The following PLEKHA6 variants were observed in gnomAD, a reference collection of about 807,000 sequenced individuals.
PLEKHA6 encodes the protein pleckstrin homology domain containing A6.
PLEKHA6 carries 60 observed loss-of-function variants against 116.7 expected under a neutral mutation model. That is an observed-to-expected ratio of 0.51 (90% CI 0.42 to 0.64). The LOEUF is 0.64. Ranked by LOEUF, PLEKHA6 falls within the 30% of genes least tolerant of loss-of-function variation. The pLI is 0.00. For synonymous variants in PLEKHA6, 489 were observed against 556.1 expected, an observed-to-expected ratio of 0.88 and a Z score of 1.70; for missense variants, 1,338 against 1,422.7, an observed-to-expected ratio of 0.94 and a Z score of 0.96.
At chr1:204,301,083 C>T (rs1050286677) in intron 1 of PLEKHA6, 4 of 181,182 alleles carry the variant, frequency 2.2e-5, no homozygotes, top group Non-Finnish European at 4.2e-5. Context: ...TATGGAGCTG[C>T]TCCAGATCCT....
chr1:204,329,720 G>C lies in PLEKHA6; in HGVS notation c.-95+29974C>G, dbSNP rs553839082. On this transcript the variant is annotated intron_variant, in intron 1 of 22. Coordinates refer to ENST00000272203, the MANE Select transcript of PLEKHA6 (RefSeq NM_014935.5). ...ATAACATGTTAAATGACACGATGAG[G>C]ATGCAATCAGCCAAATCCAGAACGT... Among the ~76,000 whole-genome samples the C allele has an allele frequency of 3.3e-5, 5 of 152,228 alleles. No individual in the cohort carries two copies. The South Asian group carries it at 1.0e-3, about 32-fold the overall frequency.
intron 3 of PLEKHA6, among the ~76,000 whole-genome samples, chr1:204,272,753 C>T (rs1434391810): frequency 1.3e-5 from 2 of 152,202 alleles, no homozygotes; most frequent in Admixed American, 6.5e-5. Flanking sequence ...CATGTCTGTA[C>T]ATTTACATAA....
At chr1:204,236,269 G>A (rs757151519) in intron 17 of PLEKHA6, among the ~76,000 whole-genome samples, 1 of 152,150 alleles carries the variant, frequency 6.6e-6, no homozygotes, top group African/African-American at 2.4e-5. Flanking sequence ...GCTGAAATAT[G>A]GATAAAAGAT....
At chr1:204,361,090 G>A (rs1020797556), upstream of PLEKHA6, among the ~76,000 whole-genome samples, 1 of 152,132 alleles carries the variant, frequency 6.6e-6, no homozygotes, top group African/African-American at 2.4e-5. Context: ...CTGGAAACTG[G>A]GGACTGAACC....
At chr1:204,317,890 A>C (rs1671918955) in intron 1 of PLEKHA6, among the ~76,000 whole-genome samples, 1 of 152,244 alleles carries the variant, frequency 6.6e-6, no homozygotes. Flanking sequence ...TTTTAAAAGG[A>C]GGACAATAAC....
Position 204,228,762 on chromosome 1 carries a change from CCTT to C in PLEKHA6, c.2848_2850del (p.Lys950del), listed in dbSNP as rs1241333551. ...GCAATGAGTGTCTTGATCCTCTCCA[CCTT>C]CTTCTGCTTCTCCTTCAACTCCTCA... On this transcript the variant is annotated inframe_deletion, in exon 20 of 23. Coordinates refer to ENST00000272203, the MANE Select transcript of PLEKHA6 (RefSeq NM_014935.5). The surrounding 1 kb of genome is among the most constrained non-coding windows in gnomAD (Gnocchi z 4.0). The C allele has an allele frequency of 1.2e-6, 2 of 1,613,876 alleles. No individual in the cohort carries two copies. The highest frequency in any genetic ancestry group is 1.3e-5 in the African/African-American group (1 of 74,862).
intron 1 of PLEKHA6, among the ~76,000 whole-genome samples, chr1:204,326,734 C>T (rs935154945): frequency 6.6e-6 from 1 of 152,094 alleles, no homozygotes; most frequent in Non-Finnish European, 1.5e-5. Flanking sequence ...GTAATCAAAC[C>T]CCTTTCCTTC....
In PLEKHA6 at chr1:204,228,330, G is replaced by T. The variant is rs1387948892; in HGVS notation, c.2886-102C>A. 1.7e-6 allele frequency: 2 copies of T among 1,170,228 alleles called. No individual in the cohort carries two copies. The allele number at this position is 1,170,228 out of a possible 1,614,324, so 72.5% of individuals were successfully genotyped here. Reference sequence around the variant, plus strand: ...GGTTGGCAGGGAGGGCCAGGGCCCCGTGAATGTGCAGTCTCTGGTTCCCAG... The same window carrying T: ...GGTTGGCAGGGAGGGCCAGGGCCCCTTGAATGTGCAGTCTCTGGTTCCCAG... On this transcript the variant is annotated intron_variant, in intron 20 of 22. Transcript: ENST00000272203. The surrounding 1 kb of genome is among the most constrained non-coding windows in gnomAD (Gnocchi z 4.0).
chr1:204,295,644 C>A (rs1246514442), intron 1 of PLEKHA6, among the ~76,000 whole-genome samples: 5 of 152,138 alleles, frequency 3.3e-5, no homozygotes, highest in Non-Finnish European at 7.4e-5. Context: ...GACAAAAGAG[C>A]TGCTCATCCT....
At chr1:204,301,462 G>T (rs1044921171) in intron 1 of PLEKHA6, 1 of 985,272 alleles carries the variant, frequency 1.0e-6, no homozygotes, top group Non-Finnish European at 1.2e-6. Flanking sequence ...TGGACTTCAG[G>T]TATAGACATG....
At chr1:204,284,931 A>C (rs539082084) in intron 1 of PLEKHA6, among the ~76,000 whole-genome samples, 1 of 152,348 alleles carries the variant, frequency 6.6e-6, no homozygotes, top group East Asian at 1.9e-4. Context: ...GGCTAATGTT[A>C]TAATCATTAA....
intron 1 of PLEKHA6, among the ~76,000 whole-genome samples, chr1:204,327,454 C>T (rs1186790185): frequency 1.3e-5 from 2 of 152,254 alleles, no homozygotes; most frequent in Non-Finnish European, 2.9e-5. Flanking sequence ...AGCCTTGATG[C>T]CGACGGGCCC....
intron 17 of PLEKHA6, among the ~76,000 whole-genome samples, chr1:204,234,974 A>AAC (rs1558030890): frequency 0.015 from 549 of 37,432 alleles, 59 homozygotes; most frequent in South Asian, 0.042. Flanking sequence ...ATATATATAT[A>AAC]TATATATATA....
chr1:204,259,765 G>C lies in PLEKHA6; in HGVS notation c.525-25C>G, dbSNP rs773134566. The C allele has an allele frequency of 1.3e-6, 2 of 1,588,440 alleles. No individual in the cohort carries two copies. Among genetic ancestry groups the C allele is most frequent in the East Asian group, 2.2e-5 (1 of 44,576 alleles). On this transcript the variant is annotated intron_variant, in intron 7 of 22. Transcript: ENST00000272203. This position sits in a 1 kb window ranked among gnomAD's most constrained non-coding sequence, Gnocchi z 4.6. ...GCTGCAGGATGCCAAGGGAGATGCT[G>C]TCAGTGACTCTAGCCCAGCATGGAG... is the stretch of plus-strand genomic sequence containing the variant.
Position 204,259,194 on chromosome 1 carries a change from C to A in PLEKHA6, c.1007+64G>T. The A allele has an allele frequency of 1.9e-6, 3 of 1,545,158 alleles. No individual in the cohort carries two copies. Among genetic ancestry groups the A allele is most frequent in the Non-Finnish European group, 2.6e-6 (3 of 1,142,150 alleles). On this transcript the variant is annotated intron_variant, in intron 8 of 22. Coordinates refer to ENST00000272203, the MANE Select transcript of PLEKHA6 (RefSeq NM_014935.5). This position sits in a 1 kb window ranked among gnomAD's most constrained non-coding sequence, Gnocchi z 4.6. ...ACAGGGGATGCCTCGTGGGCTATGA[C>A]CCCACTCGCACGCTCTAGCCATAAT...
intron 17 of PLEKHA6, among the ~76,000 whole-genome samples, chr1:204,239,564 C>T (rs541908264): frequency 2.5e-3 from 387 of 152,170 alleles, no homozygotes; most frequent in Non-Finnish European, 3.9e-3. Context: ...TTCCACACAG[C>T]CTTGCCTCTG....
Position 204,228,792 on chromosome 1 carries a change from G to A in PLEKHA6, c.2821C>T (p.Pro941Ser), listed in dbSNP as rs1409592779. 1.1e-5 allele frequency: 18 copies of A among 1,613,002 alleles called. No homozygotes were observed. Among genetic ancestry groups the A allele is most frequent in the Non-Finnish European group, 1.5e-5 (18 of 1,179,006 alleles). ...TTCTGCTTCTCCTTCAACTCCTCAG[G>A]GCTCAGGGGAGTGTCAGGCTCCAGG... ...IDLEPDTPLS[P>S]EELKEKQKKV... The change falls in exon 20 of 23, where the codon CCT becomes TCT. Residue 941 changes from proline to serine, a missense_variant. Coordinates refer to ENST00000272203, the MANE Select transcript of PLEKHA6 (RefSeq NM_014935.5). This position sits in a 1 kb window ranked among gnomAD's most constrained non-coding sequence, Gnocchi z 4.0.
At chr1:204,272,824 T>C (rs1667608968) in intron 3 of PLEKHA6, among the ~76,000 whole-genome samples, 1 of 152,236 alleles carries the variant, frequency 6.6e-6, no homozygotes, top group African/African-American at 2.4e-5. Flanking sequence ...ATTTTCAGGA[T>C]TTATCCTTGT....
intron 3 of PLEKHA6, 59 bp downstream of exon 3, chr1:204,273,567 A>G (rs1667695448): frequency 8.9e-7 from 1 of 1,123,572 alleles, no homozygotes. Context: ...CAGAGATCCC[A>G]CTAAACATGC....
Sources: allele counts gnomAD v4.1 joint callset (sites outside exome capture counted in the v4.1 genomes callset), GRCh38; gene constraint gnomAD v4.1.1; non-coding constraint Gnocchi (gnomAD v3.1); transcripts MANE v1.5; gene names NCBI Gene and HGNC (gene_info 2026-07-23, HGNC 2026-07-21).